Variants in AHCTF1 observed in about 807,000 individuals in gnomAD.
AHCTF1 encodes the protein protein ELYS.
In AHCTF1, 24 loss-of-function variants were observed where a neutral mutation model predicts 248.4. The observed-to-expected ratio is 0.10, with a 90% CI of 0.07 to 0.14. The LOEUF is 0.14. Among genes scored for constraint, AHCTF1 ranks in the 10% least tolerant of loss-of-function variants. The pLI, the probability that AHCTF1 is intolerant of heterozygous loss-of-function variation, is 1.00. For missense variants in AHCTF1, 2,206 were observed against 2,636.2 expected (o/e 0.84, Z 3.57); for synonymous variants, 786 against 929.8 (o/e 0.85, Z 2.81).
rs147143321 is a variant in AHCTF1, at chr1:246,850,919, G to C, written c.5087C>G (p.Thr1696Arg). ...TATGTTTTGGCTCACTAAAGGTATT[G>C]TTTCATGAATGGACTGTTCCATTGT... ...SDTMEQSIHE[T>R]IPLVSQNIMC... is the part of the protein sequence containing the mutation. Residue 1696 changes from threonine to arginine, a missense_variant, in exon 33 of 36, where the codon ACA becomes AGA. Transcript: ENST00000648844. The C allele has an allele frequency of 4.0e-5, 64 of 1,613,834 alleles. No individual in the cohort carries two copies. The highest frequency in any genetic ancestry group is 5.1e-5 in the Non-Finnish European group (60 of 1,179,872).
At chr1:246,884,324 ACTT>A (rs34733396) in intron 21 of AHCTF1, among the ~76,000 whole-genome samples, 32,880 of 151,954 alleles carry the variant, frequency 0.22, 3,802 homozygotes, top group East Asian at 0.31. Context: ...CTATTATTAA[ACTT>A]CTTTTCTTCT....
At chr1:246,923,990 G>C (rs1172239578) in intron 1 of AHCTF1, among the ~76,000 whole-genome samples, 10 of 151,926 alleles carry the variant, frequency 6.6e-5, no homozygotes, top group Admixed American at 5.9e-4. Flanking sequence ...AGGCCCAAAG[G>C]CGTAGAATAT....
chr1:246,922,216 C>T (rs945714037), intron 1 of AHCTF1, among the ~76,000 whole-genome samples: 3 of 152,020 alleles, frequency 2.0e-5, no homozygotes, highest in African/African-American at 4.8e-5. Flanking sequence ...AAAAATCAGT[C>T]GGGCATGGCA....
chr1:246,894,147 T>C (rs1302521402), intron 14 of AHCTF1, among the ~76,000 whole-genome samples: 1 of 152,132 alleles, frequency 6.6e-6, no homozygotes, highest in Non-Finnish European at 1.5e-5. Flanking sequence ...AAGGCTGCAC[T>C]GAGCCATGAA....
chr1:246,848,756 A>G (rs1030191448), intron 33 of AHCTF1, among the ~76,000 whole-genome samples: 2 of 151,922 alleles, frequency 1.3e-5, no homozygotes, highest in African/African-American at 4.8e-5. Flanking sequence ...AGGCTGAGGT[A>G]GGAGAATCCC....
chr1:246,862,916 G>T (rs1028250446), intron 27 of AHCTF1, among the ~76,000 whole-genome samples: 5 of 152,152 alleles, frequency 3.3e-5, no homozygotes, highest in Non-Finnish European at 5.9e-5. Flanking sequence ...ATTTAGTAGA[G>T]ATAATTCCTT....
intron 23 of AHCTF1, among the ~76,000 whole-genome samples, chr1:246,876,500 AAGG>A (rs1296820695): frequency 4.6e-5 from 7 of 152,338 alleles, no homozygotes; most frequent in Middle Eastern, 3.4e-3. Flanking sequence ...ACAACCTCAC[AAGG>A]AGATTTTATC....
At chr1:246,860,016 C>T (rs1234847503) in intron 29 of AHCTF1, among the ~76,000 whole-genome samples, 1 of 152,142 alleles carries the variant, frequency 6.6e-6, no homozygotes, top group African/African-American at 2.4e-5. Flanking sequence ...AATCCCAGCA[C>T]TCTGGGAGTC....
chr1:246,865,905 T>C (rs980191907), intron 26 of AHCTF1, among the ~76,000 whole-genome samples: 2 of 152,176 alleles, frequency 1.3e-5, no homozygotes, highest in African/African-American at 2.4e-5. Context: ...CAAAAATCTA[T>C]AGTGGTATTT....
intron 3 of AHCTF1, 76 bp downstream of exon 3, chr1:246,916,066 A>T (rs1048563844): frequency 2.0e-5 from 30 of 1,498,878 alleles, no homozygotes; most frequent in Non-Finnish European, 2.6e-5. Flanking sequence ...GAAATTTCAA[A>T]AAGTAACACA....
intron 35 of AHCTF1, among the ~76,000 whole-genome samples, chr1:246,842,272 A>G (rs1171027846): frequency 6.6e-6 from 1 of 151,954 alleles, no homozygotes; most frequent in African/African-American, 2.4e-5. Context: ...TAATTTTGAG[A>G]AAAAAATGGA....
chr1:246,898,143 A>G (rs1308862940), intron 12 of AHCTF1, 65 bp downstream of exon 12: 1 of 1,589,006 alleles, frequency 6.3e-7, no homozygotes, highest in Non-Finnish European at 8.6e-7. Flanking sequence ...ATACATTTTT[A>G]CTGTAATAGA....
intron 1 of AHCTF1, among the ~76,000 whole-genome samples, chr1:246,930,027 G>A (rs1298961043): frequency 2.7e-5 from 4 of 150,416 alleles, no homozygotes; most frequent in South Asian, 4.2e-4. Flanking sequence ...ACTCCAGCCT[G>A]GGCAACAGAG....
chr1:246,872,074 C>T (rs1171143073), intron 24 of AHCTF1, among the ~76,000 whole-genome samples: 3 of 131,800 alleles, frequency 2.3e-5, no homozygotes, highest in Non-Finnish European at 3.2e-5. Context: ...AAAAAAAGAA[C>T]CTAGATTCCC....
chr1:246,881,239 A>G (rs1663381259), intron 21 of AHCTF1, among the ~76,000 whole-genome samples: 2 of 152,250 alleles, frequency 1.3e-5, no homozygotes, highest in Non-Finnish European at 2.9e-5. Context: ...TAATAATTTT[A>G]AAAGTCATTT....
chr1:246,869,132 C>A (rs565185172), intron 24 of AHCTF1, among the ~76,000 whole-genome samples: 4 of 151,916 alleles, frequency 2.6e-5, no homozygotes, highest in South Asian at 2.1e-4. Context: ...CGTGAGCCAC[C>A]ACGCCCGGCC....
chr1:246,897,070 T>C (rs1354520256), intron 12 of AHCTF1, among the ~76,000 whole-genome samples: 2 of 152,164 alleles, frequency 1.3e-5, no homozygotes, highest in African/African-American at 4.8e-5. Context: ...TCCCAGCACT[T>C]TGGGAGGCCG....
At chr1:246,889,284 CCT>C (rs35881796) in intron 17 of AHCTF1, among the ~76,000 whole-genome samples, 29,785 of 151,790 alleles carry the variant, frequency 0.2, 3,213 homozygotes, top group Admixed American at 0.24. Flanking sequence ...TCTTTTTTCC[CCT>C]GATTTCCTTT....
Position 246,896,914 on chromosome 1 carries a change from G to A in AHCTF1, c.1624-989C>T, listed in dbSNP as rs1196450593. Among the ~76,000 whole-genome samples, 3 of 152,274 alleles carry A rather than the reference G, an allele frequency of 2.0e-5. No individual in the cohort carries two copies. The Middle Eastern group carries it at 0.01, about 518-fold the overall frequency. ...CTAAGAAGGCATGACTCTAAACGGA[G>A]ACTCACTGAAGCCATTTATATTTAA... On this transcript the variant is annotated intron_variant, in intron 12 of 35. Coordinates refer to ENST00000648844, the MANE Select transcript of AHCTF1 (RefSeq NM_001323342.2).
Sources: allele counts gnomAD v4.1 joint callset (sites outside exome capture counted in the v4.1 genomes callset), GRCh38; gene constraint gnomAD v4.1.1; transcripts MANE v1.5; gene names NCBI Gene and HGNC (gene_info 2026-07-23, HGNC 2026-07-21).